The following PCDHA13 variants were observed in gnomAD, a reference collection of about 807,000 sequenced individuals.
The protein encoded by PCDHA13 is protocadherin alpha 13.
A neutral mutation model predicts 64.8 loss-of-function variants in PCDHA13; 54 were observed. The ratio of observed to expected loss-of-function variants is 0.83; its 90% CI spans 0.67 to 1.04. PCDHA13 has a LOEUF of 1.04. PCDHA13 is among the 50% of genes least tolerant of loss of function. PCDHA13 has a pLI of 0.00. For missense variants in PCDHA13, 1,248 were observed against 1,254.3 expected (o/e 0.99, Z 0.08); for synonymous variants, 587 against 564.4 (o/e 1.04, Z -0.57).
At chr5:140,919,518 T>C (rs1027780107) in intron 1 of PCDHA13, among the ~76,000 whole-genome samples, 1 of 152,194 alleles carries the variant, frequency 6.6e-6, no homozygotes. Context: ...TATGTTTTAA[T>C]TCTCTTTTTT....
At chr5:140,944,870 A>T (rs2093703572) in intron 1 of PCDHA13, among the ~76,000 whole-genome samples, 1 of 152,058 alleles carries the variant, frequency 6.6e-6, no homozygotes, top group Non-Finnish European at 1.5e-5. Flanking sequence ...TATCTTAACC[A>T]CCTACTCCAC....
intron 1 of PCDHA13, among the ~76,000 whole-genome samples, chr5:140,942,607 A>G (rs529680459): frequency 1.7e-5 from 2 of 116,438 alleles, no homozygotes; most frequent in East Asian, 2.5e-4. Context: ...TAGTGTTTAT[A>G]TTTGCCAATT....
At chr5:140,950,549 G>A (rs1023288540) in intron 1 of PCDHA13, among the ~76,000 whole-genome samples, 1 of 151,948 alleles carries the variant, frequency 6.6e-6, no homozygotes, top group African/African-American at 2.4e-5. Context: ...TGCATGGCTG[G>A]GGGGACACTT....
chr5:140,971,958 CT>C (rs1176007834), intron 1 of PCDHA13, among the ~76,000 whole-genome samples: 2 of 152,172 alleles, frequency 1.3e-5, no homozygotes, highest in African/African-American at 2.4e-5. Context: ...ACTCCAAAAA[CT>C]TTTTTTCAAT....
intron 1 of PCDHA13, among the ~76,000 whole-genome samples, chr5:140,954,881 C>T (rs2095105725): frequency 6.6e-6 from 1 of 152,092 alleles, no homozygotes; most frequent in Non-Finnish European, 1.5e-5. Flanking sequence ...CCTAGCTTTT[C>T]TTCTAGGGTT....
At chr5:140,941,198 TCTTC>T (rs202127003) in intron 1 of PCDHA13, among the ~76,000 whole-genome samples, 9,614 of 119,776 alleles carry the variant, frequency 0.08, 511 homozygotes, top group Non-Finnish European at 0.089. Context: ...TTTTTTTCTT[TCTTC>T]CTTTCTTTCT....
chr5:140,989,575 G>A (rs2097349164), intron 3 of PCDHA13, among the ~76,000 whole-genome samples: 3 of 152,210 alleles, frequency 2.0e-5, no homozygotes. Flanking sequence ...GGCAAGCCCT[G>A]TCCTCAGCCT....
chr5:140,909,996 T>G (rs549464312), intron 1 of PCDHA13, among the ~76,000 whole-genome samples: 5 of 152,310 alleles, frequency 3.3e-5, no homozygotes, highest in African/African-American at 1.2e-4. Context: ...ACAGCATAAA[T>G]TGTTGTCAGT....
chr5:141,007,275 T>C (rs1418814264), intron 3 of PCDHA13, among the ~76,000 whole-genome samples: 2 of 151,338 alleles, frequency 1.3e-5, no homozygotes, highest in Non-Finnish European at 2.9e-5. Context: ...ACAGGCTGGG[T>C]GCAGTGGGCT....
In PCDHA13 at chr5:140,957,188, C is replaced by T. The variant is rs374236292; in HGVS notation, c.2395-21761C>T. On this transcript the variant is annotated intron_variant, in intron 1 of 3. Transcript: ENST00000289272. ...GTATATAAATTGGTTTATTGATGAC[C>T]GATTGGGAATATAAATAGGCACAAA... is the stretch of plus-strand genomic sequence containing the variant. 2.1e-3 allele frequency among the ~76,000 whole-genome samples: 315 copies of T among 151,992 alleles called. 3 individuals carry two copies. The highest frequency in any genetic ancestry group is 7.3e-3 in the African/African-American group (304 of 41,464).
intron 1 of PCDHA13, among the ~76,000 whole-genome samples, chr5:140,901,408 T>A (rs2068650771): frequency 6.6e-6 from 1 of 152,190 alleles, no homozygotes; most frequent in African/African-American, 2.4e-5. Flanking sequence ...GAGATAGGGG[T>A]CTAGTTTCAT....
chr5:140,894,827 T>G (rs2064691411), intron 1 of PCDHA13, among the ~76,000 whole-genome samples: 1 of 152,192 alleles, frequency 6.6e-6, no homozygotes, highest in South Asian at 2.1e-4. Flanking sequence ...TTGCCCATAA[T>G]CCTTTTCTTA....
At chr5:140,914,488 G>T (rs1437401245) in intron 1 of PCDHA13, among the ~76,000 whole-genome samples, 1 of 152,080 alleles carries the variant, frequency 6.6e-6, no homozygotes, top group Non-Finnish European at 1.5e-5. Flanking sequence ...AGTGTTTCTT[G>T]TGGGCAACAG....
chr5:140,966,278 T>A, intron 1 of PCDHA13: 1 of 363,192 alleles, frequency 2.8e-6, no homozygotes, highest in Non-Finnish European at 4.9e-6. Context: ...AACTGGACAG[T>A]GGGGGTAGGG....
At chr5:140,918,241 G>C (rs1241592397) in intron 1 of PCDHA13, among the ~76,000 whole-genome samples, 4 of 152,162 alleles carry the variant, frequency 2.6e-5, no homozygotes, top group Admixed American at 1.3e-4. Flanking sequence ...CATTGATTTT[G>C]TATGCTGAAA....
At chr5:140,984,869 T>C (rs1587042657) in intron 3 of PCDHA13, among the ~76,000 whole-genome samples, 1 of 152,174 alleles carries the variant, frequency 6.6e-6, no homozygotes, top group East Asian at 1.9e-4. Flanking sequence ...ACCTATTTTA[T>C]TGAGTTACCA....
chr5:140,966,917 G>T, intron 1 of PCDHA13: 1 of 1,602,580 alleles, frequency 6.2e-7, no homozygotes, highest in Non-Finnish European at 8.5e-7. Context: ...TGTGCCAGAG[G>T]AGCAGGCACC....
At chr5:140,972,540 T>C (rs1375467339) in intron 1 of PCDHA13, among the ~76,000 whole-genome samples, 1 of 152,148 alleles carries the variant, frequency 6.6e-6, no homozygotes, top group East Asian at 1.9e-4. Context: ...AAATCACTTG[T>C]GCAGTGAGGA....
chr5:140,990,895 G>A (rs550774822), intron 3 of PCDHA13, among the ~76,000 whole-genome samples: 15 of 152,284 alleles, frequency 9.9e-5, no homozygotes, highest in Non-Finnish European at 1.9e-4. Flanking sequence ...GTGGGTCGTT[G>A]CTGGGTCAAG....
Sources: gnomAD v4.1 joint callset for allele counts (sites outside exome capture counted in the v4.1 genomes callset) on GRCh38, gnomAD v4.1.1 for gene constraint, MANE v1.5 for transcripts, NCBI Gene and HGNC (gene_info 2026-07-23, HGNC 2026-07-21) for gene names.